Variants in AKAP13 observed in about 807,000 individuals in gnomAD.
AKAP13 encodes the protein A-kinase anchoring protein 13, also known as A-kinase anchor protein 13.
AKAP13 carries 80 observed loss-of-function variants against 264.5 expected under a neutral mutation model. The ratio of observed to expected loss-of-function variants is 0.30; its 90% CI spans 0.25 to 0.36. The LOEUF (loss-of-function observed/expected upper bound fraction) is 0.36, where lower values mean the gene tolerates loss of function less well. Ranked by LOEUF, AKAP13 falls within the 10% of genes least tolerant of loss-of-function variation. The probability of loss-of-function intolerance (pLI) is 1.00; values close to 1 mark genes in which losing one functional copy is unlikely to be tolerated. For synonymous variants in AKAP13, 1,380 were observed against 1,250.2 expected (o/e 1.10, Z -2.19); for missense variants, 3,712 against 3,435.2 (o/e 1.08, Z -2.01).
intron 1 of AKAP13, among the ~76,000 whole-genome samples, chr15:85,466,350 T>G (rs1196675285): frequency 1.3e-5 from 2 of 152,274 alleles, no homozygotes; most frequent in South Asian, 2.1e-4. Context: ...AGAAGCTCTT[T>G]AGTTTAATTA....
intron 1 of AKAP13, among the ~76,000 whole-genome samples, chr15:85,456,557 T>G (rs1442674469): frequency 2.7e-5 from 4 of 150,246 alleles, no homozygotes; most frequent in South Asian, 2.1e-4. Context: ...TCTGTTTTTT[T>G]TTTTTTTTTT....
intron 30 of AKAP13, among the ~76,000 whole-genome samples, chr15:85,731,286 G>A (rs1425990019): frequency 1.3e-5 from 2 of 152,110 alleles, no homozygotes; most frequent in East Asian, 1.9e-4. Context: ...TATTATAGGC[G>A]TGAGCCACTG....
intron 18 of AKAP13, 51 bp from the exon 19 acceptor site, chr15:85,710,528 C>T (rs1254724491): frequency 6.3e-7 from 1 of 1,586,152 alleles, no homozygotes. Flanking sequence ...CTCGGCTTCT[C>T]AGGGCTTGTC....
At chr15:85,487,811 A>G (rs1372535181) in intron 2 of AKAP13, among the ~76,000 whole-genome samples, 1 of 151,634 alleles carries the variant, frequency 6.6e-6, no homozygotes, top group Admixed American at 6.6e-5. Flanking sequence ...AGCTCACAGC[A>G]TCGTGGAACT....
At chr15:85,543,018 C>T (rs2077621869) in intron 4 of AKAP13, among the ~76,000 whole-genome samples, 1 of 152,216 alleles carries the variant, frequency 6.6e-6, no homozygotes, top group Admixed American at 6.5e-5. Flanking sequence ...TGTCTAACTA[C>T]AAGCCCTTCC....
At chr15:85,738,909 G>A (rs1471065011) in intron 33 of AKAP13, among the ~76,000 whole-genome samples, 4 of 149,616 alleles carry the variant, frequency 2.7e-5, no homozygotes, top group African/African-American at 9.9e-5. Flanking sequence ...TAACATATCC[G>A]AGTTGTATAT....
At chr15:85,427,793 A>G (rs2072863023) in intron 1 of AKAP13, among the ~76,000 whole-genome samples, 1 of 152,222 alleles carries the variant, frequency 6.6e-6, no homozygotes, top group Non-Finnish European at 1.5e-5. Context: ...TAATAAGCTT[A>G]TGTTAGTCAT....
intron 2 of AKAP13, among the ~76,000 whole-genome samples, chr15:85,505,487 A>C (rs1351230011): frequency 6.6e-6 from 1 of 152,348 alleles, no homozygotes; most frequent in East Asian, 1.9e-4. Flanking sequence ...AAGACAGGTT[A>C]TAGGGATTTC....
At chr15:85,455,140 T>C (rs1023094558) in intron 1 of AKAP13, among the ~76,000 whole-genome samples, 1 of 152,198 alleles carries the variant, frequency 6.6e-6, no homozygotes, top group African/African-American at 2.4e-5. Context: ...TTTTAGGACT[T>C]CTGGATCTTC....
chr15:85,694,498 A>G (rs2085462723), intron 17 of AKAP13, among the ~76,000 whole-genome samples: 1 of 152,252 alleles, frequency 6.6e-6, no homozygotes, highest in Non-Finnish European at 1.5e-5. Context: ...AATTTCATAA[A>G]ATTTTTGTTA....
chr15:85,442,234 A>G (rs1353515036), intron 1 of AKAP13, among the ~76,000 whole-genome samples: 2 of 149,820 alleles, frequency 1.3e-5, no homozygotes, highest in African/African-American at 2.5e-5. Context: ...GCATGGTGAA[A>G]CCCCGTCTCT....
At chr15:85,663,988 G>A (rs74025652) in intron 12 of AKAP13, among the ~76,000 whole-genome samples, 2,717 of 152,332 alleles carry the variant, frequency 0.018, 82 homozygotes, top group African/African-American at 0.062. Flanking sequence ...AAGTCTGTCA[G>A]CAGTTGTTTG....
At chr15:85,449,026 A>G (rs970032008) in intron 1 of AKAP13, among the ~76,000 whole-genome samples, 2 of 152,046 alleles carry the variant, frequency 1.3e-5, no homozygotes, top group African/African-American at 4.8e-5. Flanking sequence ...GATTCTTCCT[A>G]TCCATGAGCA....
chr15:85,582,858 C>T (rs571242077), intron 7 of AKAP13: 33 of 985,480 alleles, frequency 3.3e-5, no homozygotes, highest in Middle Eastern at 5.2e-4. Flanking sequence ...TGTCACAGGG[C>T]AGACCTTGTG....
intron 1 of AKAP13, among the ~76,000 whole-genome samples, chr15:85,450,441 G>A (rs929814537): frequency 1.3e-4 from 19 of 151,906 alleles, no homozygotes; most frequent in African/African-American, 4.6e-4. Context: ...AATTCTTTCA[G>A]TTGTGAGATT....
chr15:85,391,604 C>T (rs2070859831), intron 1 of AKAP13, among the ~76,000 whole-genome samples: 1 of 150,844 alleles, frequency 6.6e-6, no homozygotes, highest in Admixed American at 6.6e-5. Flanking sequence ...CCCACCTTAG[C>T]CTCCCCAGCA....
chr15:85,660,561 C>G (rs1482659186), intron 12 of AKAP13, among the ~76,000 whole-genome samples: 1 of 152,014 alleles, frequency 6.6e-6, no homozygotes, highest in Non-Finnish European at 1.5e-5. Flanking sequence ...TTGCCACATT[C>G]TGTTTCTAAA....
At chr15:85,592,880 A>C (rs897499256) in intron 8 of AKAP13, among the ~76,000 whole-genome samples, 26 of 152,184 alleles carry the variant, frequency 1.7e-4, no homozygotes, top group African/African-American at 6.3e-4. Context: ...ATGTATGTAA[A>C]GGTATAATTT....
At chr15:85,539,877 A>G (rs2077526916) in intron 4 of AKAP13, among the ~76,000 whole-genome samples, 1 of 152,246 alleles carries the variant, frequency 6.6e-6, no homozygotes, top group Non-Finnish European at 1.5e-5. Flanking sequence ...AAGTATTCAG[A>G]TGGAAGATTT....
Sources: allele counts gnomAD v4.1 joint callset (sites outside exome capture counted in the v4.1 genomes callset), GRCh38; gene constraint gnomAD v4.1.1; transcripts MANE v1.5; gene names NCBI Gene and HGNC (gene_info 2026-07-23, HGNC 2026-07-21).